Variants in TRAK1 observed in about 807,000 individuals in gnomAD.
TRAK1 encodes the protein trafficking kinesin protein 1.
Under a neutral mutation model 92.1 loss-of-function variants are expected in TRAK1, and 33 were observed. The observed-to-expected ratio is 0.36, with a 90% CI of 0.27 to 0.48. TRAK1 has a LOEUF of 0.48. Among genes scored for constraint, TRAK1 ranks in the 20% least tolerant of loss-of-function variants. The pLI is 0.99. For synonymous variants in TRAK1, 521 were observed against 517.3 expected, an observed-to-expected ratio of 1.01 and a Z score of -0.10; for missense variants, 1,123 against 1,257.9, an observed-to-expected ratio of 0.89 and a Z score of 1.62.
intron 1 of TRAK1, among the ~76,000 whole-genome samples, chr3:42,101,319 C>G (rs1189913592): frequency 6.6e-6 from 1 of 152,190 alleles, no homozygotes; most frequent in Admixed American, 6.5e-5. Flanking sequence ...CCATATTGGG[C>G]AAATAGTGAA....
chr3:42,223,563 C>T lies in TRAK1; in HGVS notation c.2688C>T (p.Leu896=), dbSNP rs1710561592. The change falls in exon 16 of 16, where the codon CTC becomes CTT. Residue 896 remains leucine, a synonymous_variant. Coordinates refer to ENST00000327628, the MANE Select transcript of TRAK1 (RefSeq NM_001042646.3). The surrounding 1 kb of genome is among the most constrained non-coding windows in gnomAD (Gnocchi z 6.1). The part of the protein sequence containing the change: ...PRGLVPEGLP[L]RCPTVTSAIG... ...GCCTGGTACCTGAGGGCCTGCCCCTCAGATGCCCCACTGTCACCAGTGCCA... is the reference window on the plus strand; with the variant it reads ...GCCTGGTACCTGAGGGCCTGCCCCTTAGATGCCCCACTGTCACCAGTGCCA... 8.7e-6 allele frequency: 14 copies of T among 1,613,918 alleles called. No homozygotes were observed. The highest frequency in any genetic ancestry group is 1.1e-5 in the Non-Finnish European group (13 of 1,179,998).
At chr3:42,132,159 A>G (rs1006627439) in intron 2 of TRAK1, among the ~76,000 whole-genome samples, 10 of 152,018 alleles carry the variant, frequency 6.6e-5, no homozygotes, top group Non-Finnish European at 1.3e-4. Flanking sequence ...ATGAAATGGC[A>G]TAGTATTTGC....
Position 42,184,731 on chromosome 3 carries a change from TGAA to T in TRAK1, c.417_419del (p.Lys139del). On this transcript the variant is annotated inframe_deletion, in exon 4 of 16. Transcript: ENST00000327628. ...GCCGCTCGCATCGGCCAGTCGTTGT[TGAA>T]GAAGAACAAGACCCTAACCGAGAGG... 1.2e-6 allele frequency: 2 copies of T among 1,614,120 alleles called. No individual in the cohort carries two copies. Among genetic ancestry groups the T allele is most frequent in the Non-Finnish European group, 1.7e-6 (2 of 1,180,026 alleles).
chr3:42,157,856 T>C (rs576979924), intron 2 of TRAK1, among the ~76,000 whole-genome samples: 243 of 152,292 alleles, frequency 1.6e-3, no homozygotes, highest in Admixed American at 3.5e-3. Flanking sequence ...TGTTTCAGTG[T>C]TGAGAAAGAG....
chr3:42,042,804 TG>T (rs1702600309), intron 1 of TRAK1, among the ~76,000 whole-genome samples: 1 of 152,186 alleles, frequency 6.6e-6, no homozygotes, highest in Non-Finnish European at 1.5e-5. Context: ...CAGTTCTTAA[TG>T]TAGAGGGTGC....
At chr3:42,162,606 G>T (rs956979710) in intron 2 of TRAK1, among the ~76,000 whole-genome samples, 1 of 152,196 alleles carries the variant, frequency 6.6e-6, no homozygotes, top group African/African-American at 2.4e-5. Context: ...GGTGCACAGC[G>T]ATGCTGTACA....
At chr3:42,188,209 T>C in intron 5 of TRAK1, 64 bp downstream of exon 5, 1 of 1,494,706 alleles carries the variant, frequency 6.7e-7, no homozygotes, top group Non-Finnish European at 9.3e-7. Context: ...TTGATGTCCT[T>C]GGAGTCACCT....
intron 2 of TRAK1, 144 bp from the exon 3 acceptor site, chr3:42,176,670 G>A: frequency 1.4e-6 from 1 of 723,688 alleles, no homozygotes; most frequent in South Asian, 1.7e-5. Context: ...GTGGTGGTGA[G>A]TACATTGCGG....
chr3:42,020,114 A>ACGAGAGGGACAG (rs1559701254), intron 1 of TRAK1, among the ~76,000 whole-genome samples: 2 of 152,092 alleles, frequency 1.3e-5, no homozygotes, highest in Non-Finnish European at 2.9e-5. Context: ...GAAGAGGACA[A>ACGAGAGGGACAG]TGCTCACGAG....
At chr3:42,184,933 C>T in intron 4 of TRAK1, 132 bp downstream of exon 4, 1 of 810,050 alleles carries the variant, frequency 1.2e-6, no homozygotes, top group South Asian at 1.7e-5. Flanking sequence ...GCGGCCTGAG[C>T]CCAGAACTGT....
intron 2 of TRAK1, among the ~76,000 whole-genome samples, chr3:42,126,619 CAT>C (rs1418624616): frequency 6.6e-6 from 1 of 152,170 alleles, no homozygotes; most frequent in African/African-American, 2.4e-5. Context: ...CAACAATTTA[CAT>C]ATCTGTGTAT....
chr3:42,156,981 C>T (rs978390185), intron 2 of TRAK1, among the ~76,000 whole-genome samples: 13 of 151,968 alleles, frequency 8.6e-5, no homozygotes, highest in African/African-American at 2.9e-4. Context: ...TGGTGAAACC[C>T]CATCTTTACT....
chr3:42,079,550 G>A (rs11129938), intron 1 of TRAK1, among the ~76,000 whole-genome samples: 75,017 of 148,064 alleles, frequency 0.51, 20,186 homozygotes, highest in South Asian at 0.67. Context: ...GTGCAGTCTC[G>A]GCTTACTGCA....
chr3:42,146,029 T>C (rs1699282096), intron 2 of TRAK1: 2 of 403,544 alleles, frequency 5.0e-6, no homozygotes, highest in Admixed American at 3.4e-5. Flanking sequence ...TTAAATACTT[T>C]GGCTTCAGGA....
At chr3:42,097,719 G>C (rs1454595092) in intron 1 of TRAK1, among the ~76,000 whole-genome samples, 1 of 152,070 alleles carries the variant, frequency 6.6e-6, no homozygotes, top group African/African-American at 2.4e-5. Context: ...CTTGGATTTC[G>C]AATTCTGGAT....
At chr3:42,021,388 G>C (rs1397959894) in intron 1 of TRAK1, among the ~76,000 whole-genome samples, 1 of 152,100 alleles carries the variant, frequency 6.6e-6, no homozygotes, top group Non-Finnish European at 1.5e-5. Context: ...AAGTAGCTTT[G>C]TTTTCATTCA....
chr3:42,063,686 CAAAA>C (rs57831151), intron 1 of TRAK1, among the ~76,000 whole-genome samples: 1 of 107,230 alleles, frequency 9.3e-6, no homozygotes, highest in Admixed American at 9.3e-5. Context: ...ACTCTGTCTC[CAAAA>C]AAAAAAAAAA....
Position 42,160,561 on chromosome 3 carries a change from T to A in TRAK1, c.287-16253T>A. 4 of 1,361,794 alleles carry A rather than the reference T, an allele frequency of 2.9e-6. No individual in the cohort carries two copies. In the South Asian group the frequency reaches 5.9e-5, roughly 20 times the overall value. 84.4% of individuals were successfully genotyped at this position (1,361,794 alleles called of 1,614,324 possible). A position where few individuals can be genotyped will look rare whatever the true frequency, so the allele number is the denominator to read the frequency against. On this transcript the variant is annotated intron_variant, in intron 2 of 15. Coordinates refer to ENST00000327628, the MANE Select transcript of TRAK1 (RefSeq NM_001042646.3). ...GTTTTGCTGATTTCATAGCACTGTTTTGTTTTTGTTTTTTTTTAAGTTGAG... is the reference window on the plus strand; with the variant it reads ...GTTTTGCTGATTTCATAGCACTGTTATGTTTTTGTTTTTTTTTAAGTTGAG...
chr3:42,023,972 C>T (rs1701825598), intron 1 of TRAK1, among the ~76,000 whole-genome samples: 1 of 152,038 alleles, frequency 6.6e-6, no homozygotes, highest in South Asian at 2.1e-4. Context: ...CCAGGCTGGT[C>T]TCGAATTCCT....
Sources: gnomAD v4.1 joint callset for allele counts (sites outside exome capture counted in the v4.1 genomes callset) on GRCh38, gnomAD v4.1.1 for gene constraint, Gnocchi (gnomAD v3.1) non-coding constraint, MANE v1.5 for transcripts, NCBI Gene and HGNC (gene_info 2026-07-23, HGNC 2026-07-21) for gene names.